MACROD2: variants seen among roughly 807,000 people sequenced by gnomAD.
The protein encoded by MACROD2 is ADP-ribose glycohydrolase MACROD2.
In MACROD2, 36 loss-of-function variants were observed where a neutral mutation model predicts 70.4. The ratio of observed to expected loss-of-function variants is 0.51; its 90% confidence interval spans 0.39 to 0.68. The LOEUF (loss-of-function observed/expected upper bound fraction) is 0.68. Among genes scored for constraint, MACROD2 ranks in the 30% least tolerant of loss-of-function variants. The pLI is 0.00. For synonymous variants in MACROD2, 172 were observed against 178.8 expected (o/e 0.96, Z 0.30); for missense variants, 496 against 538.4 (o/e 0.92, Z 0.78).
chr20:15,461,007 T>TATATATATATATATATA (rs1491341955), intron 7 of MACROD2, among the ~76,000 whole-genome samples: 2 of 42,842 alleles, frequency 4.7e-5, no homozygotes, highest in African/African-American at 1.5e-4. Flanking sequence ...TATATATATA[T>TATATATATATATATATA]TTTTTTTTAA....
At position 15,167,842 on chromosome 20, in the gene MACROD2, T is replaced by A. The variant is rs1444468720; in HGVS notation, c.419-62098T>A. Among the ~76,000 whole-genome samples, 3 of 152,160 alleles carry A rather than the reference T, an allele frequency of 2.0e-5. No homozygotes were observed. The East Asian group carries it at 5.8e-4, about 29-fold the overall frequency. ...AAATGAGTCTACCAGGAACAGAATT[T>A]CACATTCAGAAATATTAGGTTGTAT... is the stretch of plus-strand genomic sequence containing the variant. On this transcript the variant is annotated intron_variant, in intron 5 of 17. Transcript: ENST00000684519.
intron 5 of MACROD2, among the ~76,000 whole-genome samples, chr20:14,831,519 C>T (rs2072965014): frequency 6.6e-6 from 1 of 151,712 alleles, no homozygotes; most frequent in African/African-American, 2.4e-5. Flanking sequence ...TGGCTCAGAC[C>T]TGTAATCCCA....
intron 5 of MACROD2, among the ~76,000 whole-genome samples, chr20:14,851,881 G>A (rs1271282752): frequency 6.6e-6 from 1 of 152,148 alleles, no homozygotes; most frequent in East Asian, 1.9e-4. Flanking sequence ...CTGTATACCA[G>A]CCATCCCACA....
chr20:15,788,745 T>C (rs2051972896), intron 8 of MACROD2, among the ~76,000 whole-genome samples: 1 of 152,226 alleles, frequency 6.6e-6, no homozygotes, highest in Non-Finnish European at 1.5e-5. Context: ...TCAGGAAATG[T>C]GACTGCTTCT....
intron 5 of MACROD2, among the ~76,000 whole-genome samples, chr20:14,848,038 T>TG (rs2073161383): frequency 6.6e-6 from 1 of 152,218 alleles, no homozygotes. Context: ...ATTTGATAAT[T>TG]GCCAATGAAG....
At chr20:14,496,030 A>T (rs929336585) in intron 4 of MACROD2, among the ~76,000 whole-genome samples, 1 of 152,160 alleles carries the variant, frequency 6.6e-6, no homozygotes, top group African/African-American at 2.4e-5. Context: ...TTTAAAAATT[A>T]AATTTAAGGA....
intron 5 of MACROD2, among the ~76,000 whole-genome samples, chr20:15,014,999 C>T (rs2075110581): frequency 6.6e-6 from 1 of 151,982 alleles, no homozygotes. Context: ...GTTTTTAAGT[C>T]CTACTACATA....
chr20:14,584,360 A>G (rs533819079), intron 4 of MACROD2, among the ~76,000 whole-genome samples: 122 of 152,306 alleles, frequency 8.0e-4, no homozygotes, highest in Non-Finnish European at 1.5e-3. Context: ...TAGGGTTGCT[A>G]TAATAAATAC....
intron 8 of MACROD2, among the ~76,000 whole-genome samples, chr20:15,598,368 G>A (rs149132841): frequency 4.1e-4 from 63 of 152,182 alleles, no homozygotes; most frequent in East Asian, 2.7e-3. Flanking sequence ...TTCTCTAAAC[G>A]CTTTTCTTCG....
intron 5 of MACROD2, among the ~76,000 whole-genome samples, chr20:14,750,140 C>A (rs2071851234): frequency 6.6e-6 from 1 of 152,030 alleles, no homozygotes; most frequent in African/African-American, 2.4e-5. Flanking sequence ...TCTAGTTTTG[C>A]AAATTATCCT....
chr20:14,249,454 G>A (rs890493224), intron 3 of MACROD2, among the ~76,000 whole-genome samples: 5 of 151,864 alleles, frequency 3.3e-5, no homozygotes, highest in Non-Finnish European at 5.9e-5. Flanking sequence ...AGAAAAGAGG[G>A]TGGCTTTCCA....
chr20:15,417,159 G>T (rs1399626560), intron 6 of MACROD2, among the ~76,000 whole-genome samples: 1 of 152,160 alleles, frequency 6.6e-6, no homozygotes, highest in African/African-American at 2.4e-5. Context: ...ACACAGAAAA[G>T]GACCTTAGCT....
intron 5 of MACROD2, among the ~76,000 whole-genome samples, chr20:15,124,479 A>G (rs1159983975): frequency 6.6e-6 from 1 of 151,798 alleles, no homozygotes; most frequent in African/African-American, 2.4e-5. Context: ...AGATTAAGGG[A>G]AACTATATAT....
rs1298741252 is a variant in MACROD2, at chr20:14,684,012, T to C, written c.302-831T>C. ...ACTTTAATTTCCAGCGACATCAAAT[T>C]TGTGCTCTCAAAAGGTAATTTGTGA... On this transcript the variant is annotated intron_variant, in intron 4 of 17. Coordinates refer to ENST00000684519, the MANE Select transcript of MACROD2 (RefSeq NM_001351661.2). Among the ~76,000 whole-genome samples the C allele has an allele frequency of 5.3e-5, 8 of 152,146 alleles. No homozygotes were observed. The South Asian group carries it at 1.0e-3, about 20-fold the overall frequency.
At chr20:15,624,666 T>C (rs1479550553) in intron 8 of MACROD2, among the ~76,000 whole-genome samples, 1 of 152,142 alleles carries the variant, frequency 6.6e-6, no homozygotes, top group African/African-American at 2.4e-5. Flanking sequence ...TTCTGACAAA[T>C]AGTGGCAAAC....
intron 5 of MACROD2, among the ~76,000 whole-genome samples, chr20:14,902,003 A>G (rs934732098): frequency 1.3e-5 from 2 of 152,166 alleles, no homozygotes; most frequent in African/African-American, 4.8e-5. Flanking sequence ...AACTTACTCT[A>G]AGCAGTCAAT....
At chr20:14,523,866 GAATGGTATT>G (rs2085198023) in intron 4 of MACROD2, among the ~76,000 whole-genome samples, 1 of 152,158 alleles carries the variant, frequency 6.6e-6, no homozygotes, top group African/African-American at 2.4e-5. Context: ...AGAGTCCAGC[GAATGGTATT>G]AAACATCCCC....
At chr20:15,622,018 G>A (rs6043399) in intron 8 of MACROD2, among the ~76,000 whole-genome samples, 1 of 152,192 alleles carries the variant, frequency 6.6e-6, no homozygotes, top group Non-Finnish European at 1.5e-5. Context: ...GCAGTGAGAA[G>A]GCAGTGCTGG....
chr20:15,465,610 G>A (rs780081138), intron 7 of MACROD2, among the ~76,000 whole-genome samples: 53 of 152,364 alleles, frequency 3.5e-4, no homozygotes, highest in Non-Finnish European at 6.9e-4. Flanking sequence ...GTCCACAATC[G>A]GGCAGGGTGT....
Sources: allele counts gnomAD v4.1 joint callset (sites outside exome capture counted in the v4.1 genomes callset), GRCh38; gene constraint gnomAD v4.1.1; transcripts MANE v1.5; gene names NCBI Gene and HGNC (gene_info 2026-07-23, HGNC 2026-07-21).